LHX3: variants seen among roughly 807,000 people sequenced by gnomAD.
LHX3 encodes LIM/homeobox protein Lhx3.
A neutral mutation model predicts 32.4 loss-of-function variants in LHX3; 21 were observed. The observed-to-expected ratio is 0.65, with a 90% confidence interval of 0.46 to 0.93. The LOEUF (loss-of-function observed/expected upper bound fraction) is 0.93, where lower values mean the gene tolerates loss of function less well. LHX3 is among the 40% of genes least tolerant of loss of function. The pLI, the probability that LHX3 is intolerant of heterozygous loss-of-function variation, is 0.00. For missense variants in LHX3, 626 were observed against 560.0 expected, an observed-to-expected ratio of 1.12 and a Z score of -1.19; for synonymous variants, 258 against 246.8, an observed-to-expected ratio of 1.05 and a Z score of -0.43.
At chr9:136,202,817 G>C (rs1456788574) in intron 1 of LHX3, 1 of 1,098,802 alleles carries the variant, frequency 9.1e-7, no homozygotes, top group Non-Finnish European at 1.3e-6. Context: ...CCCAGGCGCG[G>C]ACGTTCCGGG....
At chr9:136,202,097 C>T (rs1369354268) in intron 1 of LHX3, among the ~76,000 whole-genome samples, 10 of 152,134 alleles carry the variant, frequency 6.6e-5, no homozygotes, top group Non-Finnish European at 1.5e-4. Context: ...GACGCCAGCC[C>T]GCCCGCTCCG....
Position 136,204,914 on chromosome 9 carries a change from AG to A in LHX3, c.79+19del, listed in dbSNP as rs1465345994. 6.3e-7 allele frequency: 1 copy of A among 1,583,406 alleles called. No individual in the cohort carries two copies. On this transcript the variant is annotated intron_variant, in intron 1 of 5. Coordinates refer to ENST00000371748, the MANE Select transcript of LHX3 (RefSeq NM_178138.6). ...TGCCGCCCTTGCCGTTTCTGTCCTC[AG>A]TGTCCTGCTGGGGCTTACCCCGAGT...
chr9:136,203,614 A>G (rs895139171), intron 1 of LHX3, among the ~76,000 whole-genome samples: 9 of 152,226 alleles, frequency 5.9e-5, no homozygotes, highest in Non-Finnish European at 1.0e-4. Flanking sequence ...CGGAACCGCA[A>G]GGTGCCGGAC....
chr9:136,203,621 G>T (rs371688544), intron 1 of LHX3, among the ~76,000 whole-genome samples: 1 of 152,218 alleles, frequency 6.6e-6, no homozygotes, highest in Non-Finnish European at 1.5e-5. Context: ...GCAAGGTGCC[G>T]GACCGATCCC....
At position 136,196,668 on chromosome 9, in the gene LHX3, G is replaced by A. The variant is rs1174646994; in HGVS notation, c.*657C>T. On this transcript the variant is annotated 3_prime_UTR_variant, in exon 6 of 6. Coordinates refer to ENST00000371748, the MANE Select transcript of LHX3 (RefSeq NM_178138.6). ...TTGAGCTTGGAGAGAAGGGGCGCCA[G>A]GCATTTTTGCCTCCTCCACAGGATA... The A allele has an allele frequency of 6.5e-6, 1 of 152,854 alleles. No homozygotes were observed. The highest frequency in any genetic ancestry group is 1.5e-5 in the Non-Finnish European group (1 of 68,252). 9.5% of individuals were successfully genotyped at this position (152,854 alleles called of 1,614,324 possible). A position where few individuals can be genotyped will look rare whatever the true frequency, so the allele number is the denominator to read the frequency against.
chr9:136,199,137 C>CCGGG, intron 3 of LHX3, 78 bp from the exon 4 acceptor site: 1 of 842,822 alleles, frequency 1.2e-6, no homozygotes, highest in Non-Finnish European at 1.6e-6. Flanking sequence ...CCCCGGCCGG[C>CCGGG]GCGGGGACGT....
intron 1 of LHX3, chr9:136,203,126 T>C: frequency 8.0e-6 from 11 of 1,369,590 alleles, no homozygotes; most frequent in Non-Finnish European, 9.4e-6. Flanking sequence ...CGAACCGGCG[T>C]CCAAGCGACT....
In LHX3 at chr9:136,203,202, G is replaced by C. The variant is rs952859069; in HGVS notation, c.79+1732C>G. 4.8e-6 allele frequency: 5 copies of C among 1,045,612 alleles called. No individual in the cohort carries two copies. In the South Asian group the frequency reaches 1.4e-4, roughly 28 times the overall value. The allele number at this position is 1,045,612 out of a possible 1,614,324, so 64.8% of individuals were successfully genotyped here. ...GCCCGGAGCCTCTGGCCGAGCGGAG[G>C]GCGGAGCGGCCGGGGGGCGGGGCCG... is the stretch of plus-strand genomic sequence containing the variant. On this transcript the variant is annotated intron_variant, in intron 1 of 5. Transcript: ENST00000371748.
At position 136,197,608 on chromosome 9, in the gene LHX3, T is replaced by C; in HGVS notation, c.911A>G (p.Glu304Gly). Reference protein sequence around the residue: ...SLEHGGLAGPEQYRELRPGSP... With the variant: ...SLEHGGLAGPGQYRELRPGSP... ...GCCGGGACGCAGCTCTCGGTACTGC[T>C]CTGGGCCTGCCAGGCCTCCATGCTC... Residue 304 changes from glutamate to glycine, a missense_variant, in exon 6 of 6, where the codon GAG becomes GGG. By Grantham distance (98) the Glu-to-Gly change is moderately conservative (BLOSUM62 -2). Coordinates refer to ENST00000371748, the MANE Select transcript of LHX3 (RefSeq NM_178138.6). The C allele has an allele frequency of 6.4e-7, 1 of 1,560,536 alleles. No homozygotes were observed. Among genetic ancestry groups the C allele is most frequent in the South Asian group, 1.2e-5 (1 of 85,308 alleles).
At chr9:136,202,931 G>T in intron 1 of LHX3, 1 of 1,532,088 alleles carries the variant, frequency 6.5e-7, no homozygotes, top group East Asian at 2.5e-5. Context: ...GCAGCCACTC[G>T]GCCCGGGCAC....
rs1056730373 is a variant in LHX3 at position 136,201,149 on chromosome 9, G to A, written c.80-396C>T. 5.8e-6 allele frequency: 8 copies of A among 1,384,568 alleles called. No homozygotes were observed. In the African/African-American group the frequency reaches 7.2e-5, roughly 13 times the overall value. 85.8% of individuals were successfully genotyped at this position (1,384,568 alleles called of 1,614,324 possible). On this transcript the variant is annotated intron_variant, in intron 1 of 5. Coordinates refer to ENST00000371748, the MANE Select transcript of LHX3 (RefSeq NM_178138.6). ...AGCCCGGCAGGAAACATAGGGAAAC[G>A]GGTCTTCACCATCACCTGGAGCTGG...
chr9:136,201,780 C>G, intron 1 of LHX3: 1 of 857,198 alleles, frequency 1.2e-6, no homozygotes, highest in Non-Finnish European at 1.4e-6. Context: ...GCCCCGCATC[C>G]GGCAAAACCG....
At chr9:136,203,180 C>T (rs1019807570) in intron 1 of LHX3, 3 of 1,217,752 alleles carry the variant, frequency 2.5e-6, no homozygotes, top group Non-Finnish European at 3.1e-6. Flanking sequence ...CCCTGGGGCC[C>T]GGAGCCTCTG....
intron 1 of LHX3, chr9:136,203,214 G>A: frequency 1.1e-6 from 1 of 914,824 alleles, no homozygotes; most frequent in Non-Finnish European, 1.3e-6. Flanking sequence ...CGGAGCGGCC[G>A]GGGGGCGGGG....
In LHX3 at chr9:136,197,373, A is replaced by G; in HGVS notation, c.1146T>C (p.Pro382=). 1 of 1,612,006 alleles carries G rather than the reference A, an allele frequency of 6.2e-7. No homozygotes were observed. The highest frequency in any genetic ancestry group is 8.5e-7 in the Non-Finnish European group (1 of 1,179,852). ...TGSSGGYPDF[P]ASPASWLDEV... ...CATCCAGCCAGGAGGCGGGGCTGGCAGGGAAGTCGGGGTAACCCCCGCTGC... is the reference window on the plus strand; with the variant it reads ...CATCCAGCCAGGAGGCGGGGCTGGCGGGGAAGTCGGGGTAACCCCCGCTGC... The change falls in exon 6 of 6, where the codon CCT becomes CCC. Residue 382 remains proline, a synonymous_variant. Coordinates refer to ENST00000371748, the MANE Select transcript of LHX3 (RefSeq NM_178138.6).
chr9:136,199,634 T>G (rs1588625902), intron 3 of LHX3, 44 bp downstream of exon 3: 1 of 1,606,668 alleles, frequency 6.2e-7, no homozygotes. Context: ...CAGCCCCATT[T>G]TTTTCAGACC....
intron 5 of LHX3, 33 bp downstream of exon 5, chr9:136,198,619 T>TCCCC (rs3215774): frequency 6.6e-7 from 1 of 1,519,194 alleles, no homozygotes; most frequent in Non-Finnish European, 8.9e-7. Flanking sequence ...CGCGCGCTCG[T>TCCCC]CCCCCCCCGA....
chr9:136,202,506 G>A (rs191658659), intron 1 of LHX3, among the ~76,000 whole-genome samples: 43 of 152,296 alleles, frequency 2.8e-4, no homozygotes, highest in Non-Finnish European at 4.6e-4. Flanking sequence ...CCTGACTTCG[G>A]GGAGACCGAC....
intron 1 of LHX3, chr9:136,201,628 C>T: frequency 1.0e-6 from 1 of 997,158 alleles, no homozygotes; most frequent in Non-Finnish European, 1.2e-6. Flanking sequence ...CATATTGCAC[C>T]CGCCTCCCTG....
Sources: gnomAD v4.1 joint callset for allele counts (sites outside exome capture counted in the v4.1 genomes callset) on GRCh38, gnomAD v4.1.1 for gene constraint, MANE v1.5 for transcripts, NCBI Gene and HGNC (gene_info 2026-07-23, HGNC 2026-07-21) for gene names.